The following CAPS2 variants were observed in gnomAD, a reference collection of about 807,000 sequenced individuals.
CAPS2 encodes calcyphosine 2.
In CAPS2, 98 loss-of-function variants were observed where a neutral mutation model predicts 86.5. The observed-to-expected ratio is 1.13, with a 90% CI of 0.96 to 1.34. CAPS2 has a LOEUF of 1.34. Ranked by LOEUF, CAPS2 falls within the 40% of genes most tolerant of loss-of-function variation. CAPS2 has a pLI of 0.00. For missense variants in CAPS2, 729 were observed against 686.8 expected, an observed-to-expected ratio of 1.06 and a Z score of -0.69; for synonymous variants, 210 against 225.1, an observed-to-expected ratio of 0.93 and a Z score of 0.60.
At chr12:75,359,790 C>T (rs1220001552) in intron 1 of CAPS2, 2 of 151,986 alleles carry the variant, frequency 1.3e-5, no homozygotes, top group African/African-American at 2.4e-5. Context: ...ATAAAGTAAC[C>T]TGGATCTATA....
rs1295083457 is a variant in CAPS2, at chr12:75,295,368, A to G, written c.1045-2001T>C. On this transcript the variant is annotated intron_variant, in intron 11 of 16. Coordinates refer to ENST00000393284, the Ensembl canonical transcript of CAPS2. ...CCAGCTAGCAAGATGCTGCACCACC[A>G]TAACTGTCAGTATGATGGAAATCAG... 2.6e-5 allele frequency among the ~76,000 whole-genome samples: 4 copies of G among 152,206 alleles called. No individual in the cohort carries two copies. In the East Asian group the frequency reaches 5.8e-4, roughly 22 times the overall value.
intron 1 of CAPS2, among the ~76,000 whole-genome samples, chr12:75,335,070 G>A (rs2041630519): frequency 6.6e-6 from 1 of 152,174 alleles, no homozygotes; most frequent in South Asian, 2.1e-4. Flanking sequence ...CAGAGTCATA[G>A]GAGTGAACAA....
At chr12:75,312,874 C>A (rs2039377680) in exon 7 of CAPS2, 2 of 1,605,746 alleles carry the variant, frequency 1.2e-6, no homozygotes. Flanking sequence ...TCATCACTTG[C>A]TCTGCAACAA....
At chr12:75,370,558 A>G (rs1566020847) in intron 1 of CAPS2, 1 of 156,430 alleles carries the variant, frequency 6.4e-6, no homozygotes, top group Non-Finnish European at 1.4e-5. Context: ...CAGAAACAAA[A>G]TGTTACTGAG....
At chr12:75,358,739 G>T (rs2043323518) in intron 1 of CAPS2, among the ~76,000 whole-genome samples, 1 of 130,996 alleles carries the variant, frequency 7.6e-6, no homozygotes, top group South Asian at 2.2e-4. Flanking sequence ...TATATATATG[G>T]TTTAAATATA....
At chr12:75,306,944 T>A (rs1273980843) in intron 7 of CAPS2, among the ~76,000 whole-genome samples, 1 of 151,652 alleles carries the variant, frequency 6.6e-6, no homozygotes, top group Admixed American at 6.6e-5. Context: ...AAAAAAAAAA[T>A]TGACTACAAG....
intron 15 of CAPS2, among the ~76,000 whole-genome samples, chr12:75,282,644 C>T (rs543234389): frequency 1.3e-5 from 2 of 152,306 alleles, no homozygotes; most frequent in South Asian, 4.1e-4. Context: ...GCCTCGGCCT[C>T]CCAAAGTACT....
At chr12:75,356,180 G>T (rs940109000) in intron 1 of CAPS2, among the ~76,000 whole-genome samples, 4 of 151,968 alleles carry the variant, frequency 2.6e-5, no homozygotes, top group Non-Finnish European at 5.9e-5. Context: ...GAAAAGAGAT[G>T]CCAGCAGATT....
At chr12:75,304,964 A>C in intron 7 of CAPS2, 88 bp from the exon 8 acceptor site, 1 of 1,130,762 alleles carries the variant, frequency 8.8e-7, no homozygotes, top group Non-Finnish European at 1.2e-6. Flanking sequence ...CTAAAAGCTC[A>C]TATACCAAAT....
At chr12:75,303,500 G>A (rs2038071764) in intron 8 of CAPS2, among the ~76,000 whole-genome samples, 1 of 152,198 alleles carries the variant, frequency 6.6e-6, no homozygotes, top group South Asian at 2.1e-4. Flanking sequence ...ACTGGCAATT[G>A]TCTGTTTCTT....
chr12:75,336,937 T>A (rs4882616), intron 1 of CAPS2, among the ~76,000 whole-genome samples: 55,989 of 151,378 alleles, frequency 0.37, 10,762 homozygotes, highest in East Asian at 0.51. Flanking sequence ...GAAAAAAAAG[T>A]CTTAAACCAG....
At chr12:75,307,895 G>A (rs1402628232) in intron 7 of CAPS2, among the ~76,000 whole-genome samples, 1 of 152,110 alleles carries the variant, frequency 6.6e-6, no homozygotes, top group Non-Finnish European at 1.5e-5. Context: ...GAAGAATAGG[G>A]TCTGGAGGCA....
At chr12:75,299,897 G>C in exon 9 of CAPS2, 1 of 1,476,708 alleles carries the variant, frequency 6.8e-7, no homozygotes, top group Non-Finnish European at 9.3e-7. Flanking sequence ...AGTTAATGTA[G>C]AATGAGTTCT....
intron 1 of CAPS2, chr12:75,347,868 T>C (rs754850768): frequency 7.5e-5 from 29 of 385,454 alleles, no homozygotes; most frequent in Non-Finnish European, 1.3e-4. Context: ...TAGGTGAAAA[T>C]AGAAGATGGT....
At chr12:75,295,966 T>A (rs935400368) in intron 11 of CAPS2, among the ~76,000 whole-genome samples, 1 of 152,006 alleles carries the variant, frequency 6.6e-6, no homozygotes, top group Non-Finnish European at 1.5e-5. Flanking sequence ...GAAAAGAAGA[T>A]ATAAAAAGGA....
chr12:75,338,929 T>G (rs1315712169), intron 1 of CAPS2, among the ~76,000 whole-genome samples: 3 of 152,242 alleles, frequency 2.0e-5, no homozygotes, highest in East Asian at 1.9e-4. Context: ...AAGGACTTGA[T>G]CTCATTCCTT....
intron 1 of CAPS2, among the ~76,000 whole-genome samples, chr12:75,350,430 T>A (rs1180470227): frequency 1.3e-5 from 2 of 152,184 alleles, no homozygotes; most frequent in African/African-American, 4.8e-5. Flanking sequence ...AGGCACTGCA[T>A]ACAGGAGCAT....
chr12:75,363,943 G>T (rs2043792308), intron 1 of CAPS2, among the ~76,000 whole-genome samples: 2 of 152,316 alleles, frequency 1.3e-5, no homozygotes, highest in South Asian at 4.1e-4. Context: ...GTCAAAGGCA[G>T]ATTCAAAGAT....
Position 75,356,272 on chromosome 12 carries a change from A to C in CAPS2, c.-394-33050T>G, listed in dbSNP as rs191766738. Among the ~76,000 whole-genome samples the C allele has an allele frequency of 1.3e-3, 195 of 152,358 alleles. 1 individual carries two copies. Among genetic ancestry groups the C allele is most frequent in the African/African-American group, 3.8e-3 (156 of 41,594 alleles). On this transcript the variant is annotated intron_variant, in intron 1 of 5. Transcript: ENST00000551829. ...ACTGTCAACTGAAAATTCTATACAC[A>C]GAAAATCTTTTAAAAATAAACATTA...
Sources: gnomAD v4.1 joint callset for allele counts (sites outside exome capture counted in the v4.1 genomes callset) on GRCh38, gnomAD v4.1.1 for gene constraint, MANE v1.5 for transcripts, NCBI Gene and HGNC (gene_info 2026-07-23, HGNC 2026-07-21) for gene names.